The following C12orf42 variants were observed in gnomAD, a reference collection of about 807,000 sequenced individuals.
The protein encoded by C12orf42 is uncharacterized protein C12orf42.
C12orf42 carries 25 observed loss-of-function variants against 21.6 expected under a neutral mutation model. The observed-to-expected ratio is 1.16, with a 90% CI of 0.84 to 1.62. The LOEUF is 1.62. Among genes scored for constraint, C12orf42 ranks in the 40% most tolerant of loss-of-function variants. C12orf42 has a pLI of 0.00. For synonymous variants in C12orf42, 174 were observed against 175.0 expected, an observed-to-expected ratio of 0.99 and a Z score of 0.05; for missense variants, 483 against 459.3, an observed-to-expected ratio of 1.05 and a Z score of -0.47.
intron 10 of C12orf42, among the ~76,000 whole-genome samples, chr12:103,238,808 G>A (rs1282983808): frequency 6.6e-6 from 1 of 152,176 alleles, no homozygotes; most frequent in African/African-American, 2.4e-5. Context: ...AAAGACTAAA[G>A]GAAGAGGGAC....
chr12:103,535,339 T>A, the C12orf42 span, among the ~76,000 whole-genome samples: 2 of 151,882 alleles, frequency 1.3e-5, no homozygotes, highest in Admixed American at 1.3e-4. Context: ...ATAACTTATA[T>A]TAGATATAAG....
At chr12:103,302,671 G>T in intron 5 of C12orf42, 112 bp from the exon 6 acceptor site, 7 of 745,552 alleles carry the variant, frequency 9.4e-6, no homozygotes, top group Non-Finnish European at 1.4e-5. Flanking sequence ...AATGTGCTCA[G>T]AGGGGAAAGA....
chr12:103,059,677 C>T, the C12orf42 span, among the ~76,000 whole-genome samples: 1 of 152,142 alleles, frequency 6.6e-6, no homozygotes, highest in Non-Finnish European at 1.5e-5. Flanking sequence ...TCAACATATG[C>T]AAATCAATAA....
the C12orf42 span, among the ~76,000 whole-genome samples, chr12:103,207,860 A>G: frequency 0.37 from 55,764 of 152,110 alleles, 10,955 homozygotes; most frequent in South Asian, 0.45. Flanking sequence ...TTTCATCACC[A>G]GTGCTTACAG....
chr12:103,306,402 A>G (rs2038336788), intron 4 of C12orf42, 57 bp from the exon 5 acceptor site: 1 of 1,502,614 alleles, frequency 6.7e-7, no homozygotes, highest in Non-Finnish European at 8.9e-7. Flanking sequence ...TGCTAAATTA[A>G]TGGCAGGAAG....
At chr12:103,275,680 A>C (rs2035722563) in intron 5 of C12orf42, among the ~76,000 whole-genome samples, 1 of 152,194 alleles carries the variant, frequency 6.6e-6, no homozygotes, top group African/African-American at 2.4e-5. Context: ...TAAAATCCCA[A>C]ATACAATACT....
intron 3 of C12orf42, among the ~76,000 whole-genome samples, chr12:103,395,569 G>A (rs1043808539): frequency 1.5e-4 from 23 of 152,084 alleles, no homozygotes; most frequent in South Asian, 1.2e-3. Flanking sequence ...TCTCCTGACC[G>A]AGCGATCTGC....
chr12:103,131,174 G>C, the C12orf42 span, among the ~76,000 whole-genome samples: 2 of 152,200 alleles, frequency 1.3e-5, no homozygotes, highest in Non-Finnish European at 2.9e-5. Context: ...CTATGCCACA[G>C]TATTGCATCT....
the C12orf42 span, among the ~76,000 whole-genome samples, chr12:103,222,570 G>A: frequency 6.6e-6 from 1 of 152,184 alleles, no homozygotes; most frequent in East Asian, 1.9e-4. Context: ...GCCTGACAAT[G>A]TTCATGGCGT....
At chr12:103,291,500 A>T (rs768147302) in intron 4 of C12orf42, among the ~76,000 whole-genome samples, 19 of 152,202 alleles carry the variant, frequency 1.2e-4, no homozygotes, top group Non-Finnish European at 2.2e-4. Flanking sequence ...CTCCACAGAC[A>T]GAGCAGGGCT....
At chr12:103,306,408 G>A in intron 4 of C12orf42, 63 bp from the exon 5 acceptor site, 1 of 1,493,192 alleles carries the variant, frequency 6.7e-7, no homozygotes, top group Admixed American at 2.3e-5. Flanking sequence ...ATTAATGGCA[G>A]GAAGGATGGA....
At chr12:103,546,200 G>C in the C12orf42 span, among the ~76,000 whole-genome samples, 32 of 152,228 alleles carry the variant, frequency 2.1e-4, no homozygotes, top group Non-Finnish European at 2.1e-4. Context: ...ATTGAATCTC[G>C]GAAACTCAGC....
intron 4 of C12orf42, among the ~76,000 whole-genome samples, chr12:103,358,778 T>G (rs1273913003): frequency 6.6e-6 from 1 of 152,118 alleles, no homozygotes; most frequent in African/African-American, 2.4e-5. Flanking sequence ...TTCTTCTTTA[T>G]CTCTCACTTG....
chr12:103,354,594 G>A (rs902295809), intron 4 of C12orf42, among the ~76,000 whole-genome samples: 11 of 152,148 alleles, frequency 7.2e-5, no homozygotes, highest in Non-Finnish European at 1.2e-4. Context: ...ACCCAGAACA[G>A]TGTTTGGTGC....
chr12:103,200,687 A>C, the C12orf42 span, among the ~76,000 whole-genome samples: 1 of 152,202 alleles, frequency 6.6e-6, no homozygotes, highest in Admixed American at 6.5e-5. Context: ...CATCCTTACA[A>C]TAAGTATAAT....
the C12orf42 span, among the ~76,000 whole-genome samples, chr12:103,133,303 C>T: frequency 6.6e-6 from 1 of 152,264 alleles, no homozygotes; most frequent in Admixed American, 6.5e-5. Context: ...TCACCCATGA[C>T]ACACCCACTT....
the C12orf42 span, among the ~76,000 whole-genome samples, chr12:103,074,631 A>G: frequency 6.6e-6 from 1 of 152,224 alleles, no homozygotes; most frequent in African/African-American, 2.4e-5. Context: ...TGAATTGTCT[A>G]TAAATAATAT....
chr12:103,449,328 G>T (rs1328818926), intron 2 of C12orf42, among the ~76,000 whole-genome samples: 1 of 151,820 alleles, frequency 6.6e-6, no homozygotes, highest in East Asian at 1.9e-4. Flanking sequence ...ATGGACTTTG[G>T]GGACTTGGGG....
intron 1 of C12orf42, among the ~76,000 whole-genome samples, chr12:103,489,067 T>C (rs984014799): frequency 6.6e-6 from 1 of 152,254 alleles, no homozygotes; most frequent in Admixed American, 6.5e-5. Flanking sequence ...CTCTGGTTTC[T>C]CCCCATCTTT....
Sources: allele counts gnomAD v4.1 joint callset (sites outside exome capture counted in the v4.1 genomes callset), GRCh38; gene constraint gnomAD v4.1.1; transcripts MANE v1.5; gene names NCBI Gene and HGNC (gene_info 2026-07-23, HGNC 2026-07-21).